Variants in CAMK1D observed in about 807,000 individuals in gnomAD.
CAMK1D encodes the protein calcium/calmodulin dependent protein kinase ID, also known as calcium/calmodulin-dependent protein kinase type 1D.
Under a neutral mutation model 47.7 loss-of-function variants are expected in CAMK1D, and 9 were observed. The observed-to-expected ratio is 0.19, with a 90% CI of 0.11 to 0.33. The LOEUF is 0.33. Among genes scored for constraint, CAMK1D ranks in the 10% least tolerant of loss-of-function variants. CAMK1D has a pLI of 1.00. For missense variants in CAMK1D, 291 were observed against 488.7 expected, an observed-to-expected ratio of 0.60 and a Z score of 3.81; for synonymous variants, 184 against 184.9, an observed-to-expected ratio of 0.99 and a Z score of 0.04.
At chr10:12,523,244 G>A (rs375317292) in intron 1 of CAMK1D, among the ~76,000 whole-genome samples, 7 of 150,354 alleles carry the variant, frequency 4.7e-5, no homozygotes, top group Admixed American at 1.3e-4. Flanking sequence ...GGGAAGAGGC[G>A]CTCCTCACTT....
chr10:12,618,612 C>A (rs570233300), intron 2 of CAMK1D, among the ~76,000 whole-genome samples: 169 of 152,158 alleles, frequency 1.1e-3, no homozygotes, highest in African/African-American at 3.8e-3. Flanking sequence ...TCAGGTAATA[C>A]TTAATTTCAT....
At chr10:12,420,085 G>A (rs1258961382) in intron 1 of CAMK1D, among the ~76,000 whole-genome samples, 1 of 151,910 alleles carries the variant, frequency 6.6e-6, no homozygotes, top group Admixed American at 6.6e-5. Context: ...TCAGCCTCCC[G>A]AGTAGCTGGG....
chr10:12,822,066 C>T (rs1190170060), intron 8 of CAMK1D, among the ~76,000 whole-genome samples: 2 of 152,204 alleles, frequency 1.3e-5, no homozygotes, highest in East Asian at 3.9e-4. Context: ...ATTGATAAAG[C>T]AATCCTGCTG....
At chr10:12,569,673 C>G (rs1837257758) in intron 2 of CAMK1D, among the ~76,000 whole-genome samples, 1 of 138,902 alleles carries the variant, frequency 7.2e-6, no homozygotes, top group African/African-American at 2.8e-5. Context: ...GAGCCGAGAT[C>G]GTGCCACTGC....
chr10:12,547,682 T>TCACACACACACACA (rs1554786375), intron 1 of CAMK1D, among the ~76,000 whole-genome samples: 3 of 116,576 alleles, frequency 2.6e-5, no homozygotes, highest in South Asian at 3.3e-4. Flanking sequence ...TTTCTCTCTC[T>TCACACACACACACA]CACACACACA....
At chr10:12,730,087 C>T (rs1373329825) in intron 3 of CAMK1D, among the ~76,000 whole-genome samples, 1 of 152,116 alleles carries the variant, frequency 6.6e-6, no homozygotes, top group African/African-American at 2.4e-5. Context: ...TGAGAATGGA[C>T]AGTAGGGGGC....
At chr10:12,555,275 A>C (rs914072218) in intron 2 of CAMK1D, among the ~76,000 whole-genome samples, 2 of 152,164 alleles carry the variant, frequency 1.3e-5, no homozygotes, top group African/African-American at 4.8e-5. Flanking sequence ...CATTTGCACA[A>C]ACCCAGCACT....
intron 4 of CAMK1D, among the ~76,000 whole-genome samples, chr10:12,764,575 C>T (rs1610010): frequency 0.94 from 142,858 of 152,030 alleles, 67,498 homozygotes; most frequent in Non-Finnish European, 0.99. Context: ...AAATCACTTA[C>T]TCTCCTCTCC....
chr10:12,501,946 T>C (rs956830779), intron 1 of CAMK1D, among the ~76,000 whole-genome samples: 23 of 151,492 alleles, frequency 1.5e-4, no homozygotes, highest in African/African-American at 5.6e-4. Context: ...GGCGGCAGAG[T>C]GGAGTGCTCA....
chr10:12,654,754 G>A (rs1298413454), intron 2 of CAMK1D, among the ~76,000 whole-genome samples: 2 of 152,114 alleles, frequency 1.3e-5, no homozygotes, highest in Non-Finnish European at 2.9e-5. Context: ...AATGTATTCA[G>A]CCTAGATAAA....
intron 3 of CAMK1D, among the ~76,000 whole-genome samples, chr10:12,736,362 G>T (rs1835187215): frequency 6.6e-6 from 1 of 152,180 alleles, no homozygotes; most frequent in Admixed American, 6.5e-5. Context: ...AGAGGCTCAG[G>T]TCTCTGACTG....
chr10:12,528,429 G>C (rs751552279), intron 1 of CAMK1D, among the ~76,000 whole-genome samples: 2 of 152,210 alleles, frequency 1.3e-5, no homozygotes, highest in Admixed American at 6.5e-5. Context: ...GAAAAGCCAG[G>C]TGACTTGCAG....
At chr10:12,817,813 C>T (rs3781063) in intron 8 of CAMK1D, among the ~76,000 whole-genome samples, 22,011 of 152,048 alleles carry the variant, frequency 0.14, 2,231 homozygotes, top group African/African-American at 0.27. Flanking sequence ...GCCTCAGCCC[C>T]GCAAGTAGCT....
chr10:12,384,576 T>C (rs1220928506), intron 1 of CAMK1D, among the ~76,000 whole-genome samples: 1 of 152,176 alleles, frequency 6.6e-6, no homozygotes, highest in East Asian at 1.9e-4. Flanking sequence ...TTAAGATAAT[T>C]CAGTGATGGG....
At chr10:12,437,173 C>CGTCT (rs1564339594) in intron 1 of CAMK1D, among the ~76,000 whole-genome samples, 190 of 151,014 alleles carry the variant, frequency 1.3e-3, no homozygotes, top group African/African-American at 2.9e-3. Flanking sequence ...TCTATCTGTC[C>CGTCT]ATCTGTCTGT....
chr10:12,469,277 A>T (rs957344342), intron 1 of CAMK1D, among the ~76,000 whole-genome samples: 1 of 151,982 alleles, frequency 6.6e-6, no homozygotes, highest in African/African-American at 2.4e-5. Context: ...CTTGAATTAG[A>T]CCCAGCATTC....
At chr10:12,586,775 G>A (rs1240959940) in intron 2 of CAMK1D, among the ~76,000 whole-genome samples, 2 of 152,134 alleles carry the variant, frequency 1.3e-5, no homozygotes, top group African/African-American at 2.4e-5. Flanking sequence ...TAAAAAATAC[G>A]GGATGGATGT....
At chr10:12,422,953 G>A (rs1014712305) in intron 1 of CAMK1D, among the ~76,000 whole-genome samples, 14 of 152,144 alleles carry the variant, frequency 9.2e-5, no homozygotes, top group Non-Finnish European at 1.8e-4. Flanking sequence ...AGTTACAGGC[G>A]TGAGCCACCG....
chr10:12,503,907 G>A (rs1275159620), intron 1 of CAMK1D, among the ~76,000 whole-genome samples: 1 of 152,130 alleles, frequency 6.6e-6, no homozygotes, highest in African/African-American at 2.4e-5. Flanking sequence ...GAGGATAGTG[G>A]GTTTTCCTTA....
Sources: allele counts gnomAD v4.1 joint callset (sites outside exome capture counted in the v4.1 genomes callset), GRCh38; gene constraint gnomAD v4.1.1; transcripts MANE v1.5; gene names NCBI Gene and HGNC (gene_info 2026-07-23, HGNC 2026-07-21).